ASS1: variants seen among roughly 807,000 people sequenced by gnomAD.
ASS1 encodes the protein argininosuccinate synthase 1, also known as argininosuccinate synthase.
Under a neutral mutation model 60.5 loss-of-function variants are expected in ASS1, and 58 were observed. The observed-to-expected ratio is 0.96, with a 90% CI of 0.78 to 1.19. ASS1 has a LOEUF of 1.19. ASS1 is among the 50% of genes most tolerant of loss of function. The pLI is 0.00. For synonymous variants in ASS1, 200 were observed against 206.9 expected, an observed-to-expected ratio of 0.97 and a Z score of 0.29; for missense variants, 454 against 547.3, an observed-to-expected ratio of 0.83 and a Z score of 1.70.
At chr9:130,450,835 G>A (rs1349324365) in intron 1 of ASS1, among the ~76,000 whole-genome samples, 2 of 152,258 alleles carry the variant, frequency 1.3e-5, no homozygotes, top group African/African-American at 2.4e-5. Context: ...CACTTCCCCA[G>A]TAGTGTCTAA....
chr9:130,445,806 T>C (rs1190689327), intron 1 of ASS1, among the ~76,000 whole-genome samples: 1 of 152,108 alleles, frequency 6.6e-6, no homozygotes, highest in East Asian at 1.9e-4. Flanking sequence ...TATTCTTCTC[T>C]GAGAAGTGGA....
Position 130,495,017 on chromosome 9 carries a change from T to C in ASS1, c.1121T>C (p.Leu374Pro). ...CCACTGTCTCTCTACAATGAGGAGC[T>C]GGTGAGGTAGGTGCCCCACACCTCA... The part of the protein sequence containing the change: ...ESPLSLYNEE[L>P]VSMNVQGDYE... Residue 374 changes from leucine (L) to proline (P), a missense_variant, in exon 13 of 15, where the codon CTG (leucine) becomes CCG (proline). Transcript: ENST00000352480. 1 of 1,611,454 alleles carries C rather than the reference T, an allele frequency of 6.2e-7. No homozygotes were observed. The highest frequency in any genetic ancestry group is 8.5e-7 in the Non-Finnish European group (1 of 1,179,214).
rs866612232 is a variant in ASS1 at position 130,472,556 on chromosome 9, C to T, written c.597+1041C>T. Among the ~76,000 whole-genome samples, 8 of 152,166 alleles carry T rather than the reference C, an allele frequency of 5.3e-5. No individual in the cohort carries two copies. In the South Asian group the frequency reaches 1.2e-3, roughly 24 times the overall value. On this transcript the variant is annotated intron_variant, in intron 8 of 14. Transcript: ENST00000352480. ...GCTGCTCAGGGCGAGGGAACGGGCC[C>T]TGGGGCTGGTGCCCTCCAGCTCTGT...
chr9:130,470,010 G>C lies in ASS1; in HGVS notation c.496-824G>C, dbSNP rs1395660395. ...GCCCTATAAGCTTGGGGCCAGGAGA[G>C]CAGTGCCAGGTGTCCGAGTGCAGGA... On this transcript the variant is annotated intron_variant, in intron 6 of 14. Transcript: ENST00000352480. This position sits in a 1 kb window ranked among gnomAD's most constrained non-coding sequence, Gnocchi z 4.3. Among the ~76,000 whole-genome samples the C allele has an allele frequency of 6.6e-6, 1 of 152,204 alleles. No homozygotes were observed. Among genetic ancestry groups the C allele is most frequent in the African/African-American group, 2.4e-5 (1 of 41,444 alleles).
chr9:130,459,936 G>A lies in ASS1; in HGVS notation c.363+1347G>A, dbSNP rs1186011241. ...CCTGCCTGCTGCTCTTCGGAAGGCA[G>A]TCCTTGAGAAACCAGATTCCTGACA... On this transcript the variant is annotated intron_variant, in intron 4 of 14. Transcript: ENST00000352480. The surrounding 1 kb of genome is among the most constrained non-coding windows in gnomAD (Gnocchi z 4.6). Among the ~76,000 whole-genome samples, 1 of 152,260 alleles carries A rather than the reference G, an allele frequency of 6.6e-6. No individual in the cohort carries two copies. Among genetic ancestry groups the A allele is most frequent in the Non-Finnish European group, 1.5e-5 (1 of 68,048 alleles).
intron 14 of ASS1, among the ~76,000 whole-genome samples, chr9:130,500,484 TAAC>T (rs777060229): frequency 7.2e-5 from 11 of 152,012 alleles, no homozygotes; most frequent in Non-Finnish European, 1.5e-4. Context: ...CTCCTCTTGC[TAAC>T]AACATGCCCT....
chr9:130,483,688 C>A (rs1165094005), intron 11 of ASS1, among the ~76,000 whole-genome samples: 1 of 151,810 alleles, frequency 6.6e-6, no homozygotes, highest in Non-Finnish European at 1.5e-5. Flanking sequence ...CCGCTCTCCC[C>A]TCTCCGCTCT....
At chr9:130,486,426 G>C (rs1235458589) in intron 11 of ASS1, among the ~76,000 whole-genome samples, 1 of 152,146 alleles carries the variant, frequency 6.6e-6, no homozygotes, top group Non-Finnish European at 1.5e-5. Context: ...TCTCCAGGCT[G>C]TCTATAATGA....
At chr9:130,474,197 G>C (rs1845955999) in intron 8 of ASS1, among the ~76,000 whole-genome samples, 1 of 151,750 alleles carries the variant, frequency 6.6e-6, no homozygotes, top group Admixed American at 6.6e-5. Flanking sequence ...AAGAAGGCAG[G>C]CGCTCGAGCC....
Position 130,494,718 on chromosome 9 carries a change from G to A in ASS1, c.971-149G>A, listed in dbSNP as rs1564162913. On this transcript the variant is annotated intron_variant, in intron 12 of 14. Coordinates refer to ENST00000352480, the MANE Select transcript of ASS1 (RefSeq NM_054012.4). This position sits in a 1 kb window ranked among gnomAD's most constrained non-coding sequence, Gnocchi z 4.3. Reference sequence around the variant, plus strand: ...AGCATGGTCCTCAACTCAGCCACTGGCAAGCGCACATTGTGCCAGTCTCGC... The same window carrying A: ...AGCATGGTCCTCAACTCAGCCACTGACAAGCGCACATTGTGCCAGTCTCGC... 19 of 1,047,312 alleles carry A rather than the reference G, an allele frequency of 1.8e-5. No homozygotes were observed. The highest frequency in any genetic ancestry group is 2.7e-5 in the Non-Finnish European group (19 of 697,324). 64.9% of individuals were successfully genotyped at this position (1,047,312 alleles called of 1,614,324 possible).
intron 11 of ASS1, among the ~76,000 whole-genome samples, 166 bp downstream of exon 11, chr9:130,480,615 G>A (rs1846147405): frequency 6.6e-6 from 1 of 152,250 alleles, no homozygotes; most frequent in Non-Finnish European, 1.5e-5. Context: ...CCTGCCAAGT[G>A]GGGATCGTGG....
intron 5 of ASS1, among the ~76,000 whole-genome samples, chr9:130,465,272 G>C (rs964449672): frequency 6.6e-6 from 1 of 151,748 alleles, no homozygotes; most frequent in African/African-American, 2.4e-5. Context: ...GCCCGCCTTG[G>C]GCTCCCAAAG....
chr9:130,495,217 C>T (rs1378025180), intron 13 of ASS1, among the ~76,000 whole-genome samples, 194 bp downstream of exon 13: 3 of 152,194 alleles, frequency 2.0e-5, no homozygotes, highest in Middle Eastern at 3.4e-3. Context: ...TGGATCAAAC[C>T]ATTACCAGAA....
intron 8 of ASS1, among the ~76,000 whole-genome samples, chr9:130,474,019 G>A (rs1271618720): frequency 4.2e-5 from 1 of 23,954 alleles, no homozygotes; most frequent in Non-Finnish European, 7.7e-5. Context: ...CCCCCACCCC[G>A]ACTCTCTCTC....
rs534322018 is a variant in ASS1 at position 130,491,101 on chromosome 9, G to A, written c.970+1637G>A. Among the ~76,000 whole-genome samples the A allele has an allele frequency of 1.3e-5, 2 of 150,676 alleles. No individual in the cohort carries two copies. Among genetic ancestry groups the A allele is most frequent in the Non-Finnish European group, 3.0e-5 (2 of 67,248 alleles). ...TCACTGTAACTCATCTCAGGATTTC[G>A]AGAGGGCTCGATGGTTATTGGCTGG... On this transcript the variant is annotated intron_variant, in intron 12 of 14. Transcript: ENST00000352480. This position sits in a 1 kb window ranked among gnomAD's most constrained non-coding sequence, Gnocchi z 5.3.
At chr9:130,451,568 G>T (rs1845326518) in intron 1 of ASS1, 9 of 348,298 alleles carry the variant, frequency 2.6e-5, no homozygotes, top group South Asian at 1.7e-4. Flanking sequence ...CTGGGGCTGG[G>T]CCCCTGCCCC....
intron 6 of ASS1, among the ~76,000 whole-genome samples, chr9:130,469,179 A>G (rs917452231): frequency 5.9e-5 from 9 of 152,182 alleles, no homozygotes; most frequent in Non-Finnish European, 7.3e-5. Context: ...GGCCACCAGG[A>G]CATCTCTGCT....
chr9:130,499,827 G>T (rs1325975549), intron 14 of ASS1, among the ~76,000 whole-genome samples: 1 of 152,184 alleles, frequency 6.6e-6, no homozygotes, highest in Non-Finnish European at 1.5e-5. Flanking sequence ...GGGTGCCTCT[G>T]ATACTTGCCC....
intron 12 of ASS1, among the ~76,000 whole-genome samples, chr9:130,490,592 G>A (rs915379447): frequency 1.3e-5 from 2 of 152,176 alleles, no homozygotes; most frequent in Non-Finnish European, 2.9e-5. Context: ...AGGATTACAG[G>A]CATGAGCCAC....
Sources: gnomAD v4.1 joint callset for allele counts (sites outside exome capture counted in the v4.1 genomes callset) on GRCh38, gnomAD v4.1.1 for gene constraint, Gnocchi (gnomAD v3.1) non-coding constraint, MANE v1.5 for transcripts, NCBI Gene and HGNC (gene_info 2026-07-23, HGNC 2026-07-21) for gene names.